TNRC6C: variants seen among roughly 807,000 people sequenced by gnomAD.
The protein encoded by TNRC6C is trinucleotide repeat containing adaptor 6C.
In TNRC6C, 20 loss-of-function variants were observed where a neutral mutation model predicts 153.7. That is an observed-to-expected ratio of 0.13 (90% CI 0.09 to 0.19). The LOEUF (loss-of-function observed/expected upper bound fraction) is 0.19. Among genes scored for constraint, TNRC6C ranks in the 10% least tolerant of loss-of-function variants. The pLI, the probability that TNRC6C is intolerant of heterozygous loss-of-function variation, is 1.00. For missense variants in TNRC6C, 1,987 were observed against 2,172.0 expected, an observed-to-expected ratio of 0.91 and a Z score of 1.69; for synonymous variants, 811 against 841.4, an observed-to-expected ratio of 0.96 and a Z score of 0.63.
At chr17:77,973,432 G>A (rs1477370214) in intron 1 of TNRC6C, among the ~76,000 whole-genome samples, 2 of 152,042 alleles carry the variant, frequency 1.3e-5, no homozygotes, top group Admixed American at 6.6e-5. Flanking sequence ...CTCCAAAACT[G>A]GGAAAAAAAG....
chr17:78,073,882 C>T (rs2073040449), intron 7 of TNRC6C, among the ~76,000 whole-genome samples: 1 of 152,202 alleles, frequency 6.6e-6, no homozygotes, highest in African/African-American at 2.4e-5. Context: ...GTCCACCACA[C>T]TTCCTAGTCA....
At chr17:78,012,208 A>T (rs1011530937) in intron 1 of TNRC6C, 8 of 152,378 alleles carry the variant, frequency 5.3e-5, no homozygotes, top group African/African-American at 1.9e-4. Flanking sequence ...GCTAAATATT[A>T]GTCACATTTT....
chr17:78,077,380 C>A, intron 9 of TNRC6C, 46 bp downstream of exon 11: 1 of 1,551,168 alleles, frequency 6.4e-7, no homozygotes, highest in Non-Finnish European at 8.7e-7. Flanking sequence ...GTTTTACCTG[C>A]CTTCTAAAAA....
At chr17:77,992,331 C>G (rs2071264050) in intron 1 of TNRC6C, among the ~76,000 whole-genome samples, 2 of 88,804 alleles carry the variant, frequency 2.3e-5, no homozygotes, top group South Asian at 8.2e-4. Context: ...AACCCCGTCT[C>G]TACTAAAAAT....
intron 1 of TNRC6C, among the ~76,000 whole-genome samples, chr17:77,968,882 T>C (rs1049464249): frequency 1.8e-4 from 27 of 152,290 alleles, no homozygotes; most frequent in South Asian, 6.2e-4. Flanking sequence ...TTCCCCCCTG[T>C]TTTCCCACTT....
chr17:77,958,767 T>C (rs736104), upstream of TNRC6C, among the ~76,000 whole-genome samples: 12,164 of 150,012 alleles, frequency 0.081, 1,263 homozygotes, highest in African/African-American at 0.25. Flanking sequence ...CCGGGAGCCG[T>C]AGCCGCCGCC....
At chr17:78,098,570 G>A in intron 17 of TNRC6C, 33 bp downstream of exon 20, 2 of 1,593,928 alleles carry the variant, frequency 1.3e-6, no homozygotes, top group Middle Eastern at 2.2e-4. Flanking sequence ...TCCGATGGGG[G>A]CCTTACCCTT....
chr17:78,043,680 C>G (rs183066550), intron 2 of TNRC6C, among the ~76,000 whole-genome samples: 1 of 152,196 alleles, frequency 6.6e-6, no homozygotes, highest in African/African-American at 2.4e-5. Flanking sequence ...TTTATTCTTT[C>G]TGATTATTTT....
intron 1 of TNRC6C, among the ~76,000 whole-genome samples, chr17:77,966,874 AAAG>A (rs1347660715): frequency 6.6e-6 from 1 of 152,224 alleles, no homozygotes; most frequent in Non-Finnish European, 1.5e-5. Context: ...TGTTGACAGG[AAAG>A]AAGAGAAAAC....
intron 3 of TNRC6C, among the ~76,000 whole-genome samples, chr17:78,053,771 C>G (rs1415819750): frequency 2.0e-5 from 3 of 152,130 alleles, no homozygotes; most frequent in African/African-American, 7.2e-5. Flanking sequence ...AGAGCCCCCA[C>G]CTGTAATCCC....
Position 78,103,394 on chromosome 17 carries a change from C to T in TNRC6C, c.4573-20C>T, listed in dbSNP as rs1245084991. The T allele has an allele frequency of 2.5e-6, 4 of 1,612,818 alleles. No individual in the cohort carries two copies. The highest frequency in any genetic ancestry group is 3.4e-6 in the Non-Finnish European group (4 of 1,179,110). ...AAATCAGAAGAAAGCTCATTCATGT[C>T]CCTGTGCTTCCTCTATCAGATTGAT... On this transcript the variant is annotated intron_variant, in intron 18 of 19. Coordinates refer to ENST00000301624, the Ensembl canonical transcript of TNRC6C.
chr17:77,986,862 T>TA (rs1443553654), intron 1 of TNRC6C, among the ~76,000 whole-genome samples: 1 of 152,114 alleles, frequency 6.6e-6, no homozygotes, highest in Non-Finnish European at 1.5e-5. Context: ...CACTGTTAGT[T>TA]ACAGAAAAGA....
chr17:78,108,485 G>A (rs1567974910), exon 20 of TNRC6C: 1 of 152,506 alleles, frequency 6.6e-6, no homozygotes, highest in Non-Finnish European at 1.5e-5. Context: ...ACTACTACAG[G>A]GGCAAACTGT....
At chr17:78,042,149 C>A in intron 2 of TNRC6C, among the ~76,000 whole-genome samples, 1 of 152,142 alleles carries the variant, frequency 6.6e-6, no homozygotes, top group East Asian at 1.9e-4. Context: ...AAGACAGTTA[C>A]GTTGCTTAGA....
chr17:78,049,238 G>C lies in TNRC6C; in HGVS notation c.176G>C (p.Ser59Thr). 6.2e-7 allele frequency: 1 copy of C among 1,611,412 alleles called. No homozygotes were observed. Among genetic ancestry groups the C allele is most frequent in the South Asian group, 1.1e-5 (1 of 90,588 alleles). ...GTGTGGGGTGTAGCCACAGGCTCCA[G>C]CTCTGGCCTGGCTCACTGCTCTGTC... Residue 59 changes from serine (S) to threonine (T), a missense_variant, in exon 3 of 20, where the codon AGC becomes ACC. This residue lies in a region of TNRC6C where 1,052 missense variants were observed against 1,017.0 expected (regional missense o/e 1.03). Transcript: ENST00000301624. This position sits in a 1 kb window ranked among gnomAD's most constrained non-coding sequence, Gnocchi z 4.1.
At chr17:77,965,955 A>T (rs545947064) in intron 1 of TNRC6C, among the ~76,000 whole-genome samples, 1 of 152,316 alleles carries the variant, frequency 6.6e-6, no homozygotes, top group South Asian at 2.1e-4. Context: ...GACTTTAACA[A>T]ATTCAGAAAG....
At chr17:77,990,475 C>T (rs879557782) in intron 1 of TNRC6C, among the ~76,000 whole-genome samples, 2 of 152,154 alleles carry the variant, frequency 1.3e-5, no homozygotes, top group African/African-American at 4.8e-5. Flanking sequence ...ATCATCTTGC[C>T]GTTTCTCAAA....
At position 78,071,821 on chromosome 17, in the gene TNRC6C, A is replaced by C. The variant is rs1052481471; in HGVS notation, c.2859+656A>C. ...GATCACAAAAGAAAACTTGATGTAA[A>C]GTACTAAGGTTTCATATCCAGAAAA... On this transcript the variant is annotated intron_variant, in intron 6 of 19. Coordinates refer to ENST00000301624, the Ensembl canonical transcript of TNRC6C. Among the ~76,000 whole-genome samples the C allele has an allele frequency of 7.2e-5, 11 of 152,354 alleles. No homozygotes were observed. The South Asian group carries it at 2.3e-3, about 32-fold the overall frequency.
chr17:78,053,108 C>T (rs758342411), intron 3 of TNRC6C, among the ~76,000 whole-genome samples: 1 of 152,154 alleles, frequency 6.6e-6, no homozygotes, highest in Admixed American at 6.5e-5. Context: ...CGACCCCTGA[C>T]GGTTCCCAAC....
Sources: gnomAD v4.1 joint callset for allele counts (sites outside exome capture counted in the v4.1 genomes callset) on GRCh38, gnomAD v4.1.1 for gene constraint, gnomAD v4.1.1 regional missense constraint, Gnocchi (gnomAD v3.1) non-coding constraint, MANE v1.5 for transcripts, NCBI Gene and HGNC (gene_info 2026-07-23, HGNC 2026-07-21) for gene names.